Variants in RNF19A observed in about 807,000 individuals in gnomAD.
The protein encoded by RNF19A is E3 ubiquitin-protein ligase RNF19A.
RNF19A carries 32 observed loss-of-function variants against 75.7 expected under a neutral mutation model. The observed-to-expected ratio is 0.42, with a 90% CI of 0.32 to 0.57. The LOEUF (loss-of-function observed/expected upper bound fraction) is 0.57, where lower values mean the gene tolerates loss of function less well. RNF19A is among the 20% of genes least tolerant of loss of function. The pLI, the probability that RNF19A is intolerant of heterozygous loss-of-function variation, is 0.10. For missense variants in RNF19A, 782 were observed against 1,036.3 expected, an observed-to-expected ratio of 0.75 and a Z score of 3.37; for synonymous variants, 335 against 345.2, an observed-to-expected ratio of 0.97 and a Z score of 0.33.
chr8:100,268,103 T>TC (rs1820074655), intron 5 of RNF19A, among the ~76,000 whole-genome samples: 1 of 149,562 alleles, frequency 6.7e-6, no homozygotes, highest in Non-Finnish European at 1.5e-5. Flanking sequence ...AAAGAAAATT[T>TC]CTTTTTTTTT....
intron 1 of RNF19A, chr8:100,309,450 C>A (rs1463567811): frequency 4.1e-6 from 4 of 985,520 alleles, no homozygotes; most frequent in Non-Finnish European, 3.6e-6. Context: ...GCCGCCTCCC[C>A]GCGGCAACCG....
At position 100,257,234 on chromosome 8, in the gene RNF19A, G is replaced by A. The variant is rs1045653200; in HGVS notation, c.*1322C>T. On this transcript the variant is annotated 3_prime_UTR_variant, in exon 10 of 10. Transcript: ENST00000341084. ...CTGGTAGGGAAAAGTGATGGAAGAA[G>A]ACTGCAGCCCATGGCATTTTTCTTT... 3 of 152,626 alleles carry A rather than the reference G, an allele frequency of 2.0e-5. No individual in the cohort carries two copies. Among genetic ancestry groups the A allele is most frequent in the Admixed American group, 6.5e-5 (1 of 15,284 alleles). The allele number at this position is 152,626 out of a possible 1,614,324, so 9.5% of individuals were successfully genotyped here.
chr8:100,306,638 G>C (rs181124165), intron 1 of RNF19A, among the ~76,000 whole-genome samples: 6 of 152,062 alleles, frequency 3.9e-5, no homozygotes, highest in Non-Finnish European at 7.4e-5. Flanking sequence ...AGAAACAAAT[G>C]AAGTACACAA....
chr8:100,296,881 A>T (rs1454024560), intron 1 of RNF19A, among the ~76,000 whole-genome samples: 1 of 152,236 alleles, frequency 6.6e-6, no homozygotes, highest in Non-Finnish European at 1.5e-5. Flanking sequence ...AAGGTTAAAA[A>T]ACAACTTTCA....
At chr8:100,310,754 T>C (rs577454468), upstream of RNF19A, among the ~76,000 whole-genome samples, 6 of 117,498 alleles carry the variant, frequency 5.1e-5, no homozygotes, top group East Asian at 1.5e-3. Context: ...TCATCTCTTT[T>C]ATTTCATTTT....
In RNF19A at chr8:100,268,833, A is replaced by T. The variant is rs144221152; in HGVS notation, c.1143T>A (p.Ile381=). 6.9e-6 allele frequency: 11 copies of T among 1,597,630 alleles called. No homozygotes were observed. The Admixed American group carries it at 1.4e-4, about 20-fold the overall frequency. The change falls in exon 5 of 10, where the codon ATT becomes ATA. Residue 381 remains isoleucine, a synonymous_variant. Transcript: ENST00000341084. ...APVGIALIAG[I]AIPAMIIGIP... is the part of the protein sequence containing the mutation. The stretch of plus-strand genomic sequence containing the variant: ...TGCCAATAATCATTGCAGGAATAGC[A>T]ATGCCAGCTATTAAAGCGATTCCGA...
Position 100,259,878 on chromosome 8 carries a change from A to G in RNF19A, c.1802T>C (p.Leu601Pro). ...ASTKAMAGSI[L>P]NSYIPLDKEG... ...CTTGTCCAATGGGATGTAGGAATTC[A>G]GAATGGATCCTGCCATTGCTTTGGT... Residue 601 changes from leucine (L) to proline (P), a missense_variant, in exon 9 of 10, where the codon CTG becomes CCG. By Grantham distance (98) the Leu-to-Pro change is moderately conservative. Coordinates refer to ENST00000341084, the MANE Select transcript of RNF19A (RefSeq NM_183419.4). The surrounding 1 kb of genome is among the most constrained non-coding windows in gnomAD (Gnocchi z 4.5). 1.2e-6 allele frequency: 2 copies of G among 1,613,212 alleles called. No individual in the cohort carries two copies. The highest frequency in any genetic ancestry group is 1.7e-4 in the Middle Eastern group (1 of 6,054).
intron 2 of RNF19A, among the ~76,000 whole-genome samples, chr8:100,283,251 AAAC>A (rs922383684): frequency 7.6e-5 from 3 of 39,222 alleles, no homozygotes; most frequent in East Asian, 9.6e-4. Context: ...ATAGAAACTA[AAAC>A]AACAACTTTT....
chr8:100,316,950 CG>C (rs1822389375), intron 1 of RNF19A, among the ~76,000 whole-genome samples: 3 of 152,350 alleles, frequency 2.0e-5, no homozygotes, highest in Admixed American at 2.0e-4. Context: ...GGTGAGAAAT[CG>C]AGCGCAGCGC....
chr8:100,279,627 G>A (rs904127563), intron 2 of RNF19A, among the ~76,000 whole-genome samples: 2 of 152,032 alleles, frequency 1.3e-5, no homozygotes, highest in South Asian at 2.1e-4. Context: ...ATCTTGGCTC[G>A]CTGCAACGTC....
intron 1 of RNF19A, among the ~76,000 whole-genome samples, chr8:100,307,301 A>AT: frequency 6.6e-6 from 1 of 152,168 alleles, no homozygotes; most frequent in Non-Finnish European, 1.5e-5. Context: ...ATATAACAAA[A>AT]TTTATCTCCA....
chr8:100,282,897 A>T (rs1169888425), intron 2 of RNF19A, among the ~76,000 whole-genome samples: 2 of 152,128 alleles, frequency 1.3e-5, no homozygotes, highest in African/African-American at 2.4e-5. Flanking sequence ...ATCATTGAAA[A>T]CCATTTAAAT....
intron 7 of RNF19A, among the ~76,000 whole-genome samples, chr8:100,263,595 ACTC>A (rs1308381695): frequency 1.3e-5 from 2 of 152,104 alleles, no homozygotes; most frequent in African/African-American, 4.8e-5. Flanking sequence ...TTATTGACAT[ACTC>A]CTATAGGCAG....
intron 2 of RNF19A, among the ~76,000 whole-genome samples, chr8:100,277,918 G>A (rs1820601716): frequency 6.6e-5 from 10 of 152,158 alleles, no homozygotes; most frequent in Admixed American, 6.5e-4. Context: ...ATTGAAGGAA[G>A]GAAGAAGGAA....
At chr8:100,299,297 G>GATGATT (rs1202599854) in intron 1 of RNF19A, among the ~76,000 whole-genome samples, 1 of 152,186 alleles carries the variant, frequency 6.6e-6, no homozygotes, top group Admixed American at 6.5e-5. Flanking sequence ...AGGTTAAGTA[G>GATGATT]ATGATTACAA....
In RNF19A at chr8:100,264,617, A is replaced by G; in HGVS notation, c.1306+54T>C. 8.4e-7 allele frequency: 1 copy of G among 1,186,350 alleles called. No homozygotes were observed. The highest frequency in any genetic ancestry group is 1.5e-5 in the African/African-American group (1 of 64,810). The allele number at this position is 1,186,350 out of a possible 1,614,324, so 73.5% of individuals were successfully genotyped here. A position where few individuals can be genotyped will look rare whatever the true frequency, so the allele number is the denominator to read the frequency against. ...AACAATTAAAAAAAATCCTTCCACA[A>G]AACTTTAACTCCATAAAATTGTAGG... On this transcript the variant is annotated intron_variant, in intron 6 of 9. Transcript: ENST00000341084. This position sits in a 1 kb window ranked among gnomAD's most constrained non-coding sequence, Gnocchi z 4.7.
chr8:100,278,303 ATAAG>A (rs573509530), intron 2 of RNF19A, among the ~76,000 whole-genome samples: 94 of 152,376 alleles, frequency 6.2e-4, no homozygotes, highest in African/African-American at 2.0e-3. Flanking sequence ...TCATTTCTAC[ATAAG>A]TAATATAAAT....
chr8:100,303,640 T>C lies in RNF19A; in HGVS notation c.-94+6227A>G, dbSNP rs1352079008. On this transcript the variant is annotated intron_variant, in intron 1 of 9. Coordinates refer to ENST00000341084, the MANE Select transcript of RNF19A (RefSeq NM_183419.4). ...TAACGTTTGTGCATAATTTTAAAAA[T>C]GGGCCAGGTGCAGTGGCTCACGCCT... Among the ~76,000 whole-genome samples, 3 of 151,876 alleles carry C rather than the reference T, an allele frequency of 2.0e-5. No individual in the cohort carries two copies. In the East Asian group the frequency reaches 5.8e-4, roughly 29 times the overall value.
At position 100,327,762 on chromosome 8, in the gene RNF19A, G is replaced by A. The variant is rs1283175293; in HGVS notation, c.-243+8346C>T. On this transcript the variant is annotated intron_variant, in intron 1 of 3. Coordinates refer to the RNF19A transcript ENST00000519527. The stretch of plus-strand genomic sequence containing the variant: ...CTCTTTTGAAAATAACACAAAAAGG[G>A]CATCACACAAAACAAGTTTGGAAAG... 2.0e-5 allele frequency among the ~76,000 whole-genome samples: 3 copies of A among 152,160 alleles called. No homozygotes were observed. In the East Asian group the frequency reaches 5.8e-4, roughly 29 times the overall value.
Sources: allele counts gnomAD v4.1 joint callset (sites outside exome capture counted in the v4.1 genomes callset), GRCh38; gene constraint gnomAD v4.1.1; non-coding constraint Gnocchi (gnomAD v3.1); transcripts MANE v1.5; gene names NCBI Gene and HGNC (gene_info 2026-07-23, HGNC 2026-07-21).